The following TBC1D5 variants were observed in gnomAD, a reference collection of about 807,000 sequenced individuals.
The protein encoded by TBC1D5 is TBC1 domain family member 5, also known as TBC1 domain family, member 5.
A neutral mutation model predicts 100.3 loss-of-function variants in TBC1D5; 75 were observed. The observed-to-expected ratio is 0.75, with a 90% CI of 0.62 to 0.91. The LOEUF is 0.91. Ranked by LOEUF, TBC1D5 falls within the 40% of genes least tolerant of loss-of-function variation. The pLI is 0.00. For synonymous variants in TBC1D5, 323 were observed against 325.6 expected, an observed-to-expected ratio of 0.99 and a Z score of 0.09; for missense variants, 910 against 942.4, an observed-to-expected ratio of 0.97 and a Z score of 0.45.
At chr3:17,540,479 T>G (rs1164791558) in intron 2 of TBC1D5, among the ~76,000 whole-genome samples, 1 of 152,206 alleles carries the variant, frequency 6.6e-6, no homozygotes, top group Non-Finnish European at 1.5e-5. Context: ...TTTGGTCCAT[T>G]TTGAGTTAAT....
chr3:17,379,606 A>C (rs1053908606), intron 9 of TBC1D5, among the ~76,000 whole-genome samples: 22 of 152,082 alleles, frequency 1.4e-4, no homozygotes, highest in African/African-American at 3.1e-4. Flanking sequence ...GGAACAAAAT[A>C]ATAAAATGAG....
At chr3:17,697,678 G>T (rs1243155002) in intron 1 of TBC1D5, among the ~76,000 whole-genome samples, 1 of 152,180 alleles carries the variant, frequency 6.6e-6, no homozygotes, top group Admixed American at 6.5e-5. Context: ...TGGCCATACT[G>T]CCCAAGGTAA....
At chr3:17,476,153 CTG>C (rs940616507) in intron 3 of TBC1D5, among the ~76,000 whole-genome samples, 1 of 151,704 alleles carries the variant, frequency 6.6e-6, no homozygotes, top group African/African-American at 2.4e-5. Context: ...TATTTTCACT[CTG>C]TTTACAGTAT....
intron 18 of TBC1D5, among the ~76,000 whole-genome samples, chr3:17,209,906 T>A (rs773212240): frequency 5.9e-5 from 9 of 152,214 alleles, no homozygotes; most frequent in African/African-American, 9.6e-5. Flanking sequence ...TACTACTTTC[T>A]GGGTCTGCTA....
chr3:17,497,994 T>C (rs1000520299), intron 3 of TBC1D5, among the ~76,000 whole-genome samples: 1 of 152,140 alleles, frequency 6.6e-6, no homozygotes, highest in African/African-American at 2.4e-5. Context: ...TATCAGATCT[T>C]TTCCAAGGAA....
At chr3:17,286,954 A>G (rs1034314661) in intron 15 of TBC1D5, among the ~76,000 whole-genome samples, 1 of 152,234 alleles carries the variant, frequency 6.6e-6, no homozygotes, top group Admixed American at 6.5e-5. Flanking sequence ...AAACTCTGAC[A>G]GCCTAAGGGA....
chr3:17,242,430 CTTCAA>C (rs1399572328), intron 16 of TBC1D5, among the ~76,000 whole-genome samples: 8 of 151,996 alleles, frequency 5.3e-5, no homozygotes, highest in Non-Finnish European at 2.9e-5. Context: ...CAAAGAATCA[CTTCAA>C]TTCATTTCAA....
intron 15 of TBC1D5, among the ~76,000 whole-genome samples, chr3:17,288,488 C>T (rs929340622): frequency 3.3e-5 from 5 of 152,134 alleles, no homozygotes; most frequent in African/African-American, 1.2e-4. Context: ...TTGATCCCCA[C>T]CCTTCACCTA....
chr3:17,180,331 A>G (rs2068295148), intron 19 of TBC1D5, among the ~76,000 whole-genome samples: 1 of 152,184 alleles, frequency 6.6e-6, no homozygotes, highest in Non-Finnish European at 1.5e-5. Flanking sequence ...CAATTTTATT[A>G]TCTCTATAAT....
rs9826097 is a variant in TBC1D5, at chr3:17,523,167, T to C, written c.-35-14562A>G. Among the ~76,000 whole-genome samples, 216 of 152,276 alleles carry C rather than the reference T, an allele frequency of 1.4e-3. 1 individual carries two copies. The highest frequency in any genetic ancestry group is 5.0e-3 in the African/African-American group (206 of 41,556). The stretch of plus-strand genomic sequence containing the variant: ...TACCCCCATTTTACATAGGTGGCAA[T>C]TGAGTCTAGCAAGTTAACGATTTCA... On this transcript the variant is annotated intron_variant, in intron 2 of 21. Transcript: ENST00000253692.
rs533501773 is a variant in TBC1D5 at position 17,285,481 on chromosome 3, C to T, written c.1245+6414G>A. 3.1e-3 allele frequency among the ~76,000 whole-genome samples: 476 copies of T among 151,710 alleles called. 3 individuals carry two copies. Among genetic ancestry groups the T allele is most frequent in the Non-Finnish European group, 4.6e-3 (312 of 67,904 alleles). On this transcript the variant is annotated intron_variant, in intron 15 of 21. Transcript: ENST00000253692. ...TTCACCGTGTTAGCCAGGATGGTCT[C>T]GATCTCCTGACCTCGTGATCCGCCC...
At chr3:17,587,706 A>T (rs888023781) in intron 2 of TBC1D5, among the ~76,000 whole-genome samples, 1 of 152,054 alleles carries the variant, frequency 6.6e-6, no homozygotes, top group African/African-American at 2.4e-5. Context: ...AGTAACAAAC[A>T]ATACTTTTCT....
At chr3:17,321,191 C>T (rs1038515241) in intron 13 of TBC1D5, among the ~76,000 whole-genome samples, 1 of 152,162 alleles carries the variant, frequency 6.6e-6, no homozygotes, top group Non-Finnish European at 1.5e-5. Context: ...CCTCAGGCTC[C>T]TGAGTAGCTG....
intron 1 of TBC1D5, among the ~76,000 whole-genome samples, chr3:17,727,149 G>A (rs892935538): frequency 6.6e-6 from 1 of 152,194 alleles, no homozygotes; most frequent in East Asian, 1.9e-4. Context: ...TTGGGAGGCT[G>A]AGGCAGGTGG....
intron 2 of TBC1D5, among the ~76,000 whole-genome samples, chr3:17,510,690 G>A (rs2095894548): frequency 6.6e-6 from 1 of 151,966 alleles, no homozygotes; most frequent in Non-Finnish European, 1.5e-5. Context: ...CTACTATGGA[G>A]CAGTCACCAA....
rs146006293 is a variant in TBC1D5, at chr3:17,490,471, T to C, written c.97+18003A>G. Among the ~76,000 whole-genome samples the C allele has an allele frequency of 2.4e-4, 36 of 152,318 alleles. No homozygotes were observed. The East Asian group carries it at 6.5e-3, about 28-fold the overall frequency. On this transcript the variant is annotated intron_variant, in intron 3 of 21. Transcript: ENST00000253692. ...TTCCAGAGTTTTCACAGTTTCATAG[T>C]TTAAGTCTTTAATCCATCTTGAGTT...
chr3:17,191,622 A>G (rs2733530), intron 18 of TBC1D5, among the ~76,000 whole-genome samples: 61,641 of 151,716 alleles, frequency 0.41, 13,181 homozygotes, highest in Middle Eastern at 0.5. Context: ...CTTATTTTTT[A>G]TTTATTTTTT....
chr3:17,529,392 T>C (rs1434292998), intron 2 of TBC1D5, among the ~76,000 whole-genome samples: 2 of 152,164 alleles, frequency 1.3e-5, no homozygotes, highest in Admixed American at 6.5e-5. Context: ...TGAGGTCTTG[T>C]TGGACACTGC....
rs112149765 is a variant in TBC1D5 at position 17,520,532 on chromosome 3, A to G, written c.-35-11927T>C. On this transcript the variant is annotated intron_variant, in intron 2 of 21. Coordinates refer to ENST00000253692, the Ensembl canonical transcript of TBC1D5. ...CTCAGATAAAGAAACATTTCAGTTT[A>G]TTAGCTTATTTTTTCAGTCAGTAAA... Among the ~76,000 whole-genome samples, 333 of 152,308 alleles carry G rather than the reference A, an allele frequency of 2.2e-3. 1 individual carries two copies. Among genetic ancestry groups the G allele is most frequent in the Non-Finnish European group, 3.2e-3 (219 of 67,992 alleles).
Sources: gnomAD v4.1 joint callset for allele counts (sites outside exome capture counted in the v4.1 genomes callset) on GRCh38, gnomAD v4.1.1 for gene constraint, MANE v1.5 for transcripts, NCBI Gene and HGNC (gene_info 2026-07-23, HGNC 2026-07-21) for gene names.